C3: variants seen among roughly 807,000 people sequenced by gnomAD.
C3 encodes the protein C3 and PZP-like alpha-2-macroglobulin domain-containing protein 1.
Under a neutral mutation model 207.9 loss-of-function variants are expected in C3, and 97 were observed. The observed-to-expected ratio is 0.47, with a 90% CI of 0.40 to 0.55. The LOEUF is 0.55. Ranked by LOEUF, C3 falls within the 20% of genes least tolerant of loss-of-function variation. The pLI, the probability that C3 is intolerant of heterozygous loss-of-function variation, is 0.00. For synonymous variants in C3, 848 were observed against 857.6 expected (o/e 0.99, Z 0.20); for missense variants, 1,684 against 2,171.7 (o/e 0.78, Z 4.46).
At chr19:6,684,721 T>C in intron 31 of C3, 54 bp downstream of exon 31, 1 of 1,584,356 alleles carries the variant, frequency 6.3e-7, no homozygotes. Context: ...GAGGAGATGG[T>C]CCCTCTGGGG....
rs367925592 is a variant in C3 at position 6,686,115 on chromosome 19, C to T, written c.3810+9G>A. ...GATGCATGTGCCTAGGGGCTGTGGG[C>T]CCACTTGCCTGGGTAGAGCCATAGC... On this transcript the variant is annotated intron_variant, in intron 29 of 40. Transcript: ENST00000245907. 1.2e-6 allele frequency: 2 copies of T among 1,613,810 alleles called. No individual in the cohort carries two copies. Among genetic ancestry groups the T allele is most frequent in the Middle Eastern group, 1.7e-4 (1 of 5,880 alleles).
At chr19:6,680,059 T>C in intron 36 of C3, 99 bp downstream of exon 36, 3 of 777,664 alleles carry the variant, frequency 3.9e-6, no homozygotes, top group African/African-American at 1.7e-5. Context: ...ATCCCTGGAC[T>C]CCTTAGACCT....
chr19:6,705,862 C>T (rs186328119), intron 17 of C3, among the ~76,000 whole-genome samples: 9 of 151,516 alleles, frequency 5.9e-5, no homozygotes, highest in South Asian at 2.1e-4. Context: ...TTAGTAGAGA[C>T]GGGGTTTCAC....
Position 6,710,727 on chromosome 19 carries a change from G to T in C3, c.1598C>A (p.Ala533Glu), listed in dbSNP as rs773305601. ...GCTGGCACCGATCAGCGTGTAGTAC[G>T]CCACCAGGCGGAAGGAAGGGATGAA... ...TDFIPSFRLV[A>E]YYTLIGASGQ... Residue 533 changes from alanine to glutamate, a missense_variant, in exon 13 of 41, where the codon GCG (alanine) becomes GAG (glutamate). Ala to Glu is a moderately radical substitution (Grantham distance 107). Transcript: ENST00000245907. 6.2e-7 allele frequency: 1 copy of T among 1,613,700 alleles called. No individual in the cohort carries two copies. Among genetic ancestry groups the T allele is most frequent in the Non-Finnish European group, 8.5e-7 (1 of 1,179,986 alleles).
intron 23 of C3, among the ~76,000 whole-genome samples, chr19:6,695,367 T>C (rs1375444024): frequency 2.0e-5 from 3 of 152,184 alleles, no homozygotes; most frequent in Non-Finnish European, 4.4e-5. Context: ...CCCCAAAGCC[T>C]TATAGCTTAC....
At chr19:6,698,370 C>T (rs1252263776) in intron 19 of C3, among the ~76,000 whole-genome samples, 5 of 152,022 alleles carry the variant, frequency 3.3e-5, no homozygotes, top group South Asian at 2.1e-4. Context: ...CAGAGATCTA[C>T]GTGTAGGGAG....
intron 14 of C3, among the ~76,000 whole-genome samples, chr19:6,708,695 T>C (rs1359060716): frequency 1.3e-5 from 2 of 150,810 alleles, no homozygotes; most frequent in East Asian, 1.9e-4. Flanking sequence ...CATTCTTTTT[T>C]TTTTTTTTTA....
At chr19:6,682,432 A>G (rs1242778351) in intron 33 of C3, 3 of 580,232 alleles carry the variant, frequency 5.2e-6, no homozygotes, top group Non-Finnish European at 9.4e-6. Flanking sequence ...TTAAGAGCTC[A>G]GACTCTGCAC....
intron 35 of C3, among the ~76,000 whole-genome samples, chr19:6,680,685 A>G (rs951495758): frequency 6.6e-6 from 1 of 152,154 alleles, no homozygotes; most frequent in African/African-American, 2.4e-5. Context: ...AGTGAGAAAT[A>G]CAAGTCTGTT....
chr19:6,718,805 A>G (rs1362344975), intron 2 of C3, among the ~76,000 whole-genome samples: 2 of 130,812 alleles, frequency 1.5e-5, no homozygotes, highest in Admixed American at 1.7e-4. Context: ...AAAGGAATTC[A>G]GTGGGAGGGA....
At chr19:6,715,316 A>T (rs867121520) in intron 4 of C3, among the ~76,000 whole-genome samples, 1 of 152,042 alleles carries the variant, frequency 6.6e-6, no homozygotes, top group African/African-American at 2.4e-5. Flanking sequence ...CTCTACAAAA[A>T]TTTTTTAAAA....
In C3 at chr19:6,684,624, G is replaced by A; in HGVS notation, c.4056C>T (p.Ala1352=). The change falls in exon 32 of 41, where the codon GCC becomes GCT. Residue 1352 remains alanine, a synonymous_variant. Coordinates refer to ENST00000245907, the MANE Select transcript of C3 (RefSeq NM_000064.4). ...ATTTATTACAGGTGAGTTGATCTTT[G>A]GCCTTAGCATGGTACATTGTCACCA... ...LSVVTMYHAK[A]KDQLTCNKFD... 1 of 1,614,004 alleles carries A rather than the reference G, an allele frequency of 6.2e-7. No homozygotes were observed. The highest frequency in any genetic ancestry group is 1.3e-5 in the African/African-American group (1 of 75,016).
chr19:6,705,778 G>C (rs1379400589), intron 17 of C3, among the ~76,000 whole-genome samples: 1 of 152,028 alleles, frequency 6.6e-6, no homozygotes, highest in Non-Finnish European at 1.5e-5. Flanking sequence ...AGGTTCAAGC[G>C]ATTCTCCCAC....
Position 6,707,820 on chromosome 19 carries a change from T to G in C3, c.1955A>C (p.Gln652Pro), listed in dbSNP as rs748054406. ...CTCACCTGCCCTCTGGGCGGTCTGC[T>G]GGCCACTGCTGCTCGTGAAGGTCAG... is the stretch of plus-strand genomic sequence containing the variant. ...AGLTFTSSSGQQTAQRAELQC... is the reference protein window; with the variant it reads ...AGLTFTSSSGPQTAQRAELQC... Residue 652 changes from glutamine (Q) to proline (P), a missense_variant, in exon 15 of 41, where the codon CAG becomes CCG. Physicochemically the swap from Gln to Pro is moderately conservative, Grantham distance 76. Around this residue, in one of 3 missense-constraint regions of C3, gnomAD observed 1,280 missense variants for 1,739.1 expected, o/e 0.74. Coordinates refer to ENST00000245907, the MANE Select transcript of C3 (RefSeq NM_000064.4). The G allele has an allele frequency of 2.2e-5, 35 of 1,613,800 alleles. No individual in the cohort carries two copies. The East Asian group carries it at 7.4e-4, about 34-fold the overall frequency.
Position 6,679,469 on chromosome 19 carries a change from G to A in C3, c.4484C>T (p.Pro1495Leu), listed in dbSNP as rs368362113. 3.7e-5 allele frequency: 59 copies of A among 1,613,612 alleles called. No individual in the cohort carries two copies. The highest frequency in any genetic ancestry group is 1.6e-4 in the Middle Eastern group (1 of 6,062). ...GTTCAGCTTTCCATCCTCCTTTTCC[G>A]GATGGTAGAACCGGGTACAGCTTTC... ...LEESCTRFYHPEKEDGKLNKL... is the reference protein window; with the variant it reads ...LEESCTRFYHLEKEDGKLNKL... The change falls in exon 37 of 41, where the codon CCG (proline) becomes CTG (leucine). Residue 1495 changes from proline (P) to leucine (L), a missense_variant. Pro to Leu is a moderately conservative substitution (Grantham distance 98). Coordinates refer to ENST00000245907, the MANE Select transcript of C3 (RefSeq NM_000064.4).
intron 27 of C3, 129 bp from the exon 28 acceptor site, chr19:6,687,031 C>A: frequency 1.0e-6 from 1 of 985,990 alleles, no homozygotes; most frequent in Non-Finnish European, 1.6e-6. Context: ...TAGATTTGTC[C>A]ATTTTTGAGA....
chr19:6,706,063 GA>G (rs1334908170), intron 17 of C3, among the ~76,000 whole-genome samples: 1 of 152,214 alleles, frequency 6.6e-6, no homozygotes, highest in Non-Finnish European at 1.5e-5. Context: ...TTCAAAAACT[GA>G]ATGCATGCAT....
In C3 at chr19:6,697,732, G is replaced by C; in HGVS notation, c.2503C>G (p.Leu835Val). The change falls in exon 20 of 41, where the codon CTA (leucine) becomes GTA (valine). Residue 835 changes from leucine (L) to valine (V), a missense_variant. This residue lies in a region of C3 where 1,280 missense variants were observed against 1,739.1 expected (regional missense o/e 0.74). Transcript: ENST00000245907. ...VMQDFFIDLR[L>V]PYSVVRNEQV... ...TCGTTTCGAACAACAGAGTAGGGTA[G>C]CCGCAGGTCGATGAAGAAGTCCTGC... 1 of 1,614,070 alleles carries C rather than the reference G, an allele frequency of 6.2e-7. No individual in the cohort carries two copies. The highest frequency in any genetic ancestry group is 8.5e-7 in the Non-Finnish European group (1 of 1,179,988).
chr19:6,687,091 A>G (rs1207955806), intron 27 of C3, among the ~76,000 whole-genome samples, 189 bp from the exon 28 acceptor site: 2 of 152,164 alleles, frequency 1.3e-5, no homozygotes, highest in Admixed American at 6.5e-5. Flanking sequence ...CTGCATATCT[A>G]TTATGTATCT....
Sources: gnomAD v4.1 joint callset for allele counts (sites outside exome capture counted in the v4.1 genomes callset) on GRCh38, gnomAD v4.1.1 for gene constraint, gnomAD v4.1.1 regional missense constraint, MANE v1.5 for transcripts, NCBI Gene and HGNC (gene_info 2026-07-23, HGNC 2026-07-21) for gene names.